ALK: variants seen among roughly 807,000 people sequenced by gnomAD.
ALK encodes the protein ALK tyrosine kinase receptor.
Under a neutral mutation model 163.1 loss-of-function variants are expected in ALK, and 74 were observed. The ratio of observed to expected loss-of-function variants is 0.45; its 90% CI spans 0.38 to 0.55. The LOEUF (loss-of-function observed/expected upper bound fraction) is 0.55. Among genes scored for constraint, ALK ranks in the 20% least tolerant of loss-of-function variants. The probability of loss-of-function intolerance (pLI) is 0.00; values close to 1 mark genes in which losing one functional copy is unlikely to be tolerated. For missense variants in ALK, 2,063 were observed against 2,105.3 expected, an observed-to-expected ratio of 0.98 and a Z score of 0.39; for synonymous variants, 960 against 843.2, an observed-to-expected ratio of 1.14 and a Z score of -2.40.
At chr2:29,701,036 G>A (rs1008406259) in intron 2 of ALK, among the ~76,000 whole-genome samples, 6 of 152,168 alleles carry the variant, frequency 3.9e-5, no homozygotes, top group Non-Finnish European at 8.8e-5. Context: ...GTACCAGGCC[G>A]AGACACTCAA....
intron 8 of ALK, among the ~76,000 whole-genome samples, chr2:29,314,191 C>T (rs6742351): frequency 1.3e-5 from 2 of 151,912 alleles, no homozygotes; most frequent in African/African-American, 4.8e-5. Flanking sequence ...CTTCGGGTGC[C>T]TTCCTTTGAG....
intron 3 of ALK, among the ~76,000 whole-genome samples, chr2:29,668,024 T>C (rs1249716156): frequency 6.6e-6 from 1 of 152,118 alleles, no homozygotes; most frequent in African/African-American, 2.4e-5. Flanking sequence ...GTAGATTGTA[T>C]GTGTCCAAGA....
intron 1 of ALK, among the ~76,000 whole-genome samples, chr2:29,777,435 G>A (rs1207552803): frequency 6.6e-6 from 1 of 152,054 alleles, no homozygotes; most frequent in African/African-American, 2.4e-5. Flanking sequence ...GGTGAAGTTT[G>A]TGCAGACCTT....
At chr2:29,343,676 C>T (rs550339837) in intron 5 of ALK, among the ~76,000 whole-genome samples, 113 of 152,258 alleles carry the variant, frequency 7.4e-4, no homozygotes, top group African/African-American at 2.7e-3. Flanking sequence ...TTTCCATGTG[C>T]AGGAAGAAAG....
chr2:29,714,611 C>A (rs891136300), intron 2 of ALK, among the ~76,000 whole-genome samples: 1 of 152,146 alleles, frequency 6.6e-6, no homozygotes, highest in Admixed American at 6.5e-5. Flanking sequence ...GACGACCTCC[C>A]ACCAGGATGC....
intron 2 of ALK, among the ~76,000 whole-genome samples, chr2:29,707,239 TC>T (rs1678936339): frequency 6.6e-6 from 1 of 152,018 alleles, no homozygotes; most frequent in Admixed American, 6.6e-5. Context: ...CAGACGGACC[TC>T]CCCACTTACT....
At chr2:29,654,883 A>G (rs2148256788) in intron 3 of ALK, among the ~76,000 whole-genome samples, 1 of 152,250 alleles carries the variant, frequency 6.6e-6, no homozygotes, top group South Asian at 2.1e-4. Context: ...AAAATATACT[A>G]AAGGTTGAAA....
At position 29,285,226 on chromosome 2, in the gene ALK, C is replaced by T. The variant is rs376221598; in HGVS notation, c.1818-9730G>A. Among the ~76,000 whole-genome samples, 18 of 151,842 alleles carry T rather than the reference C, an allele frequency of 1.2e-4. No homozygotes were observed. The South Asian group carries it at 3.6e-3, about 30-fold the overall frequency. ...CCCCATGCTCTGTGCTTCCCGCCCT[C>T]CAGCCTATCTCCGTGCTCAGTGGCT... On this transcript the variant is annotated intron_variant, in intron 9 of 28. Transcript: ENST00000389048.
At chr2:29,587,845 T>C (rs933680651) in intron 3 of ALK, among the ~76,000 whole-genome samples, 8 of 152,130 alleles carry the variant, frequency 5.3e-5, no homozygotes, top group African/African-American at 1.9e-4. Context: ...TATAGAAATA[T>C]CAAAATATTG....
intron 1 of ALK, among the ~76,000 whole-genome samples, chr2:29,748,763 TG>T (rs1023710453): frequency 6.6e-6 from 1 of 152,076 alleles, no homozygotes; most frequent in African/African-American, 2.4e-5. Flanking sequence ...TTTTTTTTTT[TG>T]AATCACAGTC....
chr2:29,478,470 G>A (rs1054388453), intron 4 of ALK, among the ~76,000 whole-genome samples: 7 of 152,208 alleles, frequency 4.6e-5, no homozygotes, highest in South Asian at 2.1e-4. Flanking sequence ...TTGGACAGGC[G>A]GAGGACTTGC....
At chr2:29,280,350 C>G (rs1401420598) in intron 9 of ALK, among the ~76,000 whole-genome samples, 3 of 150,478 alleles carry the variant, frequency 2.0e-5, no homozygotes. Context: ...TGGTATATGC[C>G]AGGTGTACCA....
intron 1 of ALK, among the ~76,000 whole-genome samples, chr2:29,830,592 G>A (rs894503873): frequency 2.0e-5 from 3 of 151,712 alleles, no homozygotes; most frequent in Non-Finnish European, 4.4e-5. Context: ...GAATACATTG[G>A]GCATGGTGGC....
chr2:29,300,096 G>T (rs948173320), intron 8 of ALK, among the ~76,000 whole-genome samples: 1 of 152,200 alleles, frequency 6.6e-6, no homozygotes. Context: ...CATGAGTGTT[G>T]CATATGGGTG....
intron 8 of ALK, among the ~76,000 whole-genome samples, chr2:29,315,251 G>A (rs1666800793): frequency 6.6e-6 from 1 of 151,952 alleles, no homozygotes; most frequent in Non-Finnish European, 1.5e-5. Context: ...AGAGCAGGCT[G>A]CAGGAGCCTG....
chr2:29,414,061 A>T (rs1260691928), intron 4 of ALK, among the ~76,000 whole-genome samples: 1 of 152,242 alleles, frequency 6.6e-6, no homozygotes, highest in African/African-American at 2.4e-5. Context: ...TTACACCAGC[A>T]TCATCACATA....
Position 29,656,596 on chromosome 2 carries a change from A to G in ALK, c.952+38254T>C, listed in dbSNP as rs557004657. 2.0e-5 allele frequency among the ~76,000 whole-genome samples: 3 copies of G among 152,318 alleles called. No individual in the cohort carries two copies. The South Asian group carries it at 6.2e-4, about 32-fold the overall frequency. ...TTAGTTTATTTGATATAACAACCCT[A>G]TGAAACTGAAACTATTATTGTCTCC... On this transcript the variant is annotated intron_variant, in intron 3 of 28. Transcript: ENST00000389048.
At chr2:29,428,656 C>A (rs1223465901) in intron 4 of ALK, among the ~76,000 whole-genome samples, 1 of 151,674 alleles carries the variant, frequency 6.6e-6, no homozygotes, top group Non-Finnish European at 1.5e-5. Context: ...AATCTTAGGC[C>A]CAGATATCTT....
chr2:29,840,193 T>C (rs1473965217), intron 1 of ALK, among the ~76,000 whole-genome samples: 1 of 152,220 alleles, frequency 6.6e-6, no homozygotes, highest in South Asian at 2.1e-4. Flanking sequence ...ACTTACTATG[T>C]GACAGGCAGA....
Sources: gnomAD v4.1 joint callset for allele counts (sites outside exome capture counted in the v4.1 genomes callset) on GRCh38, gnomAD v4.1.1 for gene constraint, MANE v1.5 for transcripts, NCBI Gene and HGNC (gene_info 2026-07-23, HGNC 2026-07-21) for gene names.